NCAM2: variants seen among roughly 807,000 people sequenced by gnomAD.
NCAM2 encodes N-CAM-2.
A neutral mutation model predicts 98.1 loss-of-function variants in NCAM2; 30 were observed. That is an observed-to-expected ratio of 0.31 (90% CI 0.23 to 0.41). The LOEUF is 0.41. Ranked by LOEUF, NCAM2 falls within the 10% of genes least tolerant of loss-of-function variation. The pLI, the probability that NCAM2 is intolerant of heterozygous loss-of-function variation, is 1.00. For missense variants in NCAM2, 867 were observed against 1,005.8 expected (o/e 0.86, Z 1.87); for synonymous variants, 368 against 342.4 (o/e 1.07, Z -0.83).
At chr21:21,103,569 A>G (rs962617594) in intron 1 of NCAM2, among the ~76,000 whole-genome samples, 1 of 152,136 alleles carries the variant, frequency 6.6e-6, no homozygotes. Flanking sequence ...AGTTTGCACT[A>G]AATGAACTTC....
At chr21:21,258,423 G>A (rs2071758101) in intron 1 of NCAM2, among the ~76,000 whole-genome samples, 1 of 152,010 alleles carries the variant, frequency 6.6e-6, no homozygotes, top group Non-Finnish European at 1.5e-5. Context: ...TAGGTGGGGT[G>A]AAAAAAACAA....
intron 1 of NCAM2, among the ~76,000 whole-genome samples, chr21:21,220,371 T>C (rs1855267494): frequency 6.6e-6 from 1 of 152,192 alleles, no homozygotes; most frequent in Admixed American, 6.5e-5. Context: ...ATACTTATCA[T>C]TGTGTTATGA....
At chr21:21,495,514 C>G (rs893436040) in intron 15 of NCAM2, among the ~76,000 whole-genome samples, 7 of 152,006 alleles carry the variant, frequency 4.6e-5, no homozygotes, top group Admixed American at 1.3e-4. Context: ...GACTCCCTAC[C>G]ATCTTTTGGA....
At chr21:21,331,349 G>A (rs188179324) in intron 6 of NCAM2, among the ~76,000 whole-genome samples, 1 of 149,778 alleles carries the variant, frequency 6.7e-6, no homozygotes, top group East Asian at 2.0e-4. Context: ...TGTTGCCAGG[G>A]TTGAACTTCA....
chr21:21,535,684 A>G (rs569537290), intron 17 of NCAM2, among the ~76,000 whole-genome samples: 1 of 152,250 alleles, frequency 6.6e-6, no homozygotes, highest in African/African-American at 2.4e-5. Context: ...AATTAACTGT[A>G]TTAGATGTGG....
chr21:21,068,224 C>A (rs1307288576), intron 1 of NCAM2, among the ~76,000 whole-genome samples: 1 of 149,384 alleles, frequency 6.7e-6, no homozygotes, highest in Non-Finnish European at 1.5e-5. Flanking sequence ...CCTCTGCCTC[C>A]AGGACTCAAG....
chr21:21,519,283 C>A lies in NCAM2; in HGVS notation c.2282+10228C>A, dbSNP rs201616191. On this transcript the variant is annotated intron_variant, in intron 16 of 17. Coordinates refer to ENST00000400546, the MANE Select transcript of NCAM2 (RefSeq NM_004540.5). ...ATTGTGTGAAGAATGGGTTATTGGA[C>A]ATAATAGGTTTAGGGGAATGATTTA... Among the ~76,000 whole-genome samples the A allele has an allele frequency of 3.3e-5, 5 of 151,930 alleles. No individual in the cohort carries two copies. The East Asian group carries it at 9.7e-4, about 29-fold the overall frequency.
intron 15 of NCAM2, among the ~76,000 whole-genome samples, chr21:21,501,063 A>G (rs1420768497): frequency 6.6e-6 from 1 of 152,048 alleles, no homozygotes; most frequent in Non-Finnish European, 1.5e-5. Flanking sequence ...TTCTTTCTAC[A>G]TTCTGCTACA....
chr21:21,100,464 T>A (rs761663547), intron 1 of NCAM2, among the ~76,000 whole-genome samples: 20 of 151,950 alleles, frequency 1.3e-4, no homozygotes, highest in Non-Finnish European at 2.5e-4. Context: ...AAGGTGGTGG[T>A]TGCCCCAGAA....
chr21:21,098,033 A>G (rs2066160055), intron 1 of NCAM2, among the ~76,000 whole-genome samples: 2 of 36,116 alleles, frequency 5.5e-5, no homozygotes, highest in African/African-American at 1.0e-4. Context: ...GAATTTAGCT[A>G]GTCGAATATC....
chr21:21,148,663 A>T (rs2826711), intron 1 of NCAM2, among the ~76,000 whole-genome samples: 37,493 of 152,148 alleles, frequency 0.25, 5,190 homozygotes, highest in Non-Finnish European at 0.32. Context: ...TAGGAACTGC[A>T]GTAAGAAGTA....
intron 6 of NCAM2, among the ~76,000 whole-genome samples, chr21:21,329,331 C>T (rs1323531245): frequency 1.3e-5 from 2 of 152,162 alleles, no homozygotes; most frequent in East Asian, 1.9e-4. Flanking sequence ...TATTATGTTA[C>T]AGTCGCTTCC....
At chr21:21,328,616 G>GA (rs548806364) in intron 6 of NCAM2, among the ~76,000 whole-genome samples, 1 of 148,614 alleles carries the variant, frequency 6.7e-6, no homozygotes, top group Non-Finnish European at 1.5e-5. Context: ...ACTTAAACAA[G>GA]AAAAAATATA....
chr21:21,183,844 T>A (rs982938040), intron 1 of NCAM2, among the ~76,000 whole-genome samples: 3 of 151,990 alleles, frequency 2.0e-5, no homozygotes, highest in African/African-American at 7.2e-5. Flanking sequence ...TAAGGCTACA[T>A]TGGAAAAATA....
In NCAM2 at chr21:21,495,485, G is replaced by A. The variant is rs532711250; in HGVS notation, c.2078-13366G>A. The stretch of plus-strand genomic sequence containing the variant: ...CTAGCTCTTTCCAAACCATTGTGAC[G>A]ATTCTGCTTCCCTCCAATGACTCCC... On this transcript the variant is annotated intron_variant, in intron 15 of 17. Transcript: ENST00000400546. Among the ~76,000 whole-genome samples the A allele has an allele frequency of 2.9e-4, 44 of 152,126 alleles. 1 individual carries two copies. Among genetic ancestry groups the A allele is most frequent in the Middle Eastern group, 3.4e-3 (1 of 294 alleles).
chr21:21,210,703 C>T, intron 1 of NCAM2: 1 of 1,179,518 alleles, frequency 8.5e-7, no homozygotes, highest in Non-Finnish European at 1.1e-6. Flanking sequence ...TCAGCTGGAC[C>T]ATTGCCCAGG....
chr21:21,031,996 C>T (rs2064694779), intron 1 of NCAM2, among the ~76,000 whole-genome samples: 1 of 152,174 alleles, frequency 6.6e-6, no homozygotes, highest in African/African-American at 2.4e-5. Flanking sequence ...CATTAAGGCA[C>T]ATGTGGCTTG....
intron 1 of NCAM2, among the ~76,000 whole-genome samples, chr21:21,084,840 G>A (rs1418466179): frequency 6.6e-6 from 1 of 152,096 alleles, no homozygotes; most frequent in Non-Finnish European, 1.5e-5. Flanking sequence ...TAAAATTATA[G>A]AGCTTTATAC....
intron 1 of NCAM2, among the ~76,000 whole-genome samples, chr21:21,168,400 C>G (rs1412464263): frequency 3.9e-5 from 6 of 151,938 alleles, no homozygotes. Context: ...CAGGATACCC[C>G]TTCTCATTAG....
Sources: gnomAD v4.1 joint callset for allele counts (sites outside exome capture counted in the v4.1 genomes callset) on GRCh38, gnomAD v4.1.1 for gene constraint, MANE v1.5 for transcripts, NCBI Gene and HGNC (gene_info 2026-07-23, HGNC 2026-07-21) for gene names.